Variants in MGMT observed in about 807,000 individuals in gnomAD.
The protein encoded by MGMT is methylated-DNA--protein-cysteine methyltransferase.
MGMT carries 14 observed loss-of-function variants against 15.9 expected under a neutral mutation model. The observed-to-expected ratio is 0.88, with a 90% CI of 0.58 to 1.37. MGMT has a LOEUF of 1.37. MGMT is among the 40% of genes most tolerant of loss of function. The probability of loss-of-function intolerance (pLI) is 0.00; values close to 1 mark genes in which losing one functional copy is unlikely to be tolerated. For missense variants in MGMT, 282 were observed against 268.1 expected (o/e 1.05, Z -0.36); for synonymous variants, 130 against 118.2 (o/e 1.10, Z -0.65).
At chr10:129,614,294 C>G (rs475250) in intron 2 of MGMT, among the ~76,000 whole-genome samples, 66,641 of 152,068 alleles carry the variant, frequency 0.44, 15,950 homozygotes, top group East Asian at 0.64. Context: ...CTTTAAAAGC[C>G]TATTTTCTTA....
At chr10:129,660,447 C>G (rs1589921209) in intron 2 of MGMT, among the ~76,000 whole-genome samples, 1 of 152,036 alleles carries the variant, frequency 6.6e-6, no homozygotes, top group East Asian at 1.9e-4. Context: ...CCCCATCAAA[C>G]TTGAGATTAA....
At chr10:129,609,806 A>G (rs1361259453) in intron 2 of MGMT, among the ~76,000 whole-genome samples, 1 of 152,064 alleles carries the variant, frequency 6.6e-6, no homozygotes, top group Non-Finnish European at 1.5e-5. Flanking sequence ...GAGGAGGAGC[A>G]GTGCGGAGAT....
chr10:129,469,223 A>C (rs1845203772), intron 1 of MGMT, among the ~76,000 whole-genome samples: 1 of 151,954 alleles, frequency 6.6e-6, no homozygotes, highest in South Asian at 2.1e-4. Context: ...TCCTCTTCCC[A>C]CCCTTTCTTA....
intron 2 of MGMT, among the ~76,000 whole-genome samples, chr10:129,622,461 C>T (rs1847101116): frequency 6.6e-6 from 1 of 152,212 alleles, no homozygotes; most frequent in Non-Finnish European, 1.5e-5. Context: ...CTGATGCGGT[C>T]TAGTTTACAC....
intron 3 of MGMT, chr10:129,717,840 T>C (rs1362847861): frequency 1.3e-5 from 2 of 152,212 alleles, no homozygotes; most frequent in Non-Finnish European, 2.9e-5. Context: ...GGTGTTTATT[T>C]GTATTAAAGC....
intron 2 of MGMT, among the ~76,000 whole-genome samples, chr10:129,612,344 C>T (rs538969): frequency 0.42 from 63,581 of 152,054 alleles, 14,164 homozygotes; most frequent in East Asian, 0.62. Flanking sequence ...AGAGGTATAG[C>T]GAAGCATATC....
intron 2 of MGMT, among the ~76,000 whole-genome samples, chr10:129,578,629 G>A (rs917278509): frequency 6.6e-6 from 1 of 152,142 alleles, no homozygotes; most frequent in Non-Finnish European, 1.5e-5. Context: ...ACATGTATAT[G>A]TATGTAAGAA....
intron 2 of MGMT, among the ~76,000 whole-genome samples, chr10:129,590,459 C>T (rs950121290): frequency 6.6e-6 from 1 of 152,088 alleles, no homozygotes. Flanking sequence ...ACAATGTGAG[C>T]GAATTTCTCT....
chr10:129,487,966 T>G (rs1286421981), intron 1 of MGMT, among the ~76,000 whole-genome samples: 2 of 130,728 alleles, frequency 1.5e-5, no homozygotes, highest in African/African-American at 2.9e-5. Flanking sequence ...CACACATAGG[T>G]GTATACGCAG....
chr10:129,579,235 A>T (rs1041656688), intron 2 of MGMT, among the ~76,000 whole-genome samples: 5 of 152,260 alleles, frequency 3.3e-5, no homozygotes, highest in African/African-American at 1.2e-4. Context: ...ACATGAGATT[A>T]CACGGAGTGC....
At chr10:129,664,405 G>A (rs1847634204) in intron 2 of MGMT, among the ~76,000 whole-genome samples, 1 of 152,146 alleles carries the variant, frequency 6.6e-6, no homozygotes, top group Admixed American at 6.5e-5. Context: ...TGAAGAAGAG[G>A]GACACTTACA....
chr10:129,647,318 G>A (rs1006835820), intron 2 of MGMT, among the ~76,000 whole-genome samples: 1 of 152,120 alleles, frequency 6.6e-6, no homozygotes, highest in Non-Finnish European at 1.5e-5. Context: ...ACGCTCAAGT[G>A]TGTAGTTTAC....
At chr10:129,476,972 C>A (rs914653708) in intron 1 of MGMT, among the ~76,000 whole-genome samples, 2 of 152,136 alleles carry the variant, frequency 1.3e-5, no homozygotes, top group Non-Finnish European at 2.9e-5. Flanking sequence ...CTCGCAGCCT[C>A]CCCGCCTGTG....
At chr10:129,541,443 A>G (rs1394498595) in intron 2 of MGMT, among the ~76,000 whole-genome samples, 2 of 152,216 alleles carry the variant, frequency 1.3e-5, no homozygotes, top group Admixed American at 6.5e-5. Context: ...CAGTGCCCAC[A>G]GTCTAATGAG....
At chr10:129,610,985 G>A (rs1270155843) in intron 2 of MGMT, among the ~76,000 whole-genome samples, 1 of 152,204 alleles carries the variant, frequency 6.6e-6, no homozygotes, top group East Asian at 1.9e-4. Flanking sequence ...ATGATGGGCA[G>A]TAGTTAACTA....
chr10:129,503,034 G>A (rs976175023), intron 1 of MGMT, among the ~76,000 whole-genome samples: 14 of 151,964 alleles, frequency 9.2e-5, no homozygotes, highest in Admixed American at 2.0e-4. Context: ...GTTTATGTGC[G>A]TGGTCCAGTT....
At chr10:129,520,426 A>C (rs1487029170) in intron 1 of MGMT, among the ~76,000 whole-genome samples, 3 of 122,790 alleles carry the variant, frequency 2.4e-5, no homozygotes, top group South Asian at 2.5e-4. Context: ...TACCGTGCGC[A>C]TACAGAGCCC....
chr10:129,494,239 C>A (rs530794797), intron 1 of MGMT, among the ~76,000 whole-genome samples: 1 of 152,104 alleles, frequency 6.6e-6, no homozygotes, highest in Admixed American at 6.5e-5. Flanking sequence ...TTTTGAAGCC[C>A]CAATAGTGAT....
intron 4 of MGMT, among the ~76,000 whole-genome samples, chr10:129,764,880 A>G (rs1287566590): frequency 6.6e-6 from 1 of 152,114 alleles, no homozygotes; most frequent in Non-Finnish European, 1.5e-5. Flanking sequence ...TGTCTGGGCC[A>G]TCTAGGTTGC....
Sources: allele counts gnomAD v4.1 joint callset (sites outside exome capture counted in the v4.1 genomes callset), GRCh38; gene constraint gnomAD v4.1.1; transcripts MANE v1.5; gene names NCBI Gene and HGNC (gene_info 2026-07-23, HGNC 2026-07-21).